CEP192: variants seen among roughly 807,000 people sequenced by gnomAD.
CEP192 encodes the protein centrosomal protein 192.
Under a neutral mutation model 271.8 loss-of-function variants are expected in CEP192, and 151 were observed. The observed-to-expected ratio is 0.56, with a 90% confidence interval of 0.49 to 0.64. CEP192 has a LOEUF of 0.64. Among genes scored for constraint, CEP192 ranks in the 30% least tolerant of loss-of-function variants. The pLI is 0.00. For synonymous variants in CEP192, 995 were observed against 1,076.5 expected (o/e 0.92, Z 1.48); for missense variants, 2,910 against 3,020.5 (o/e 0.96, Z 0.86).
intron 30 of CEP192, among the ~76,000 whole-genome samples, chr18:13,078,984 G>A (rs1443468697): frequency 6.6e-6 from 1 of 152,172 alleles, no homozygotes; most frequent in East Asian, 1.9e-4. Context: ...TATTATGGCT[G>A]CATAGTATTC....
chr18:13,059,274 G>A lies in CEP192; in HGVS notation c.4450G>A (p.Val1484Ile), dbSNP rs749362952. ...IVQAEALAST[V>I]TLTAIAESPV... Reference sequence around the variant, plus strand: ...ACAGGCAGAAGCTTTGGCCAGCACCGTCACTCTCACTGCCATTGCCGAGAG... The same window carrying A: ...ACAGGCAGAAGCTTTGGCCAGCACCATCACTCTCACTGCCATTGCCGAGAG... Residue 1484 changes from valine (V) to isoleucine (I), a missense_variant, in exon 21 of 45, where the codon GTC (valine) becomes ATC (isoleucine). Coordinates refer to ENST00000506447, the MANE Select transcript of CEP192 (RefSeq NM_032142.4). 54 of 1,614,020 alleles carry A rather than the reference G, an allele frequency of 3.3e-5. No homozygotes were observed. The South Asian group carries it at 5.5e-4, about 16-fold the overall frequency.
At position 12,999,389 on chromosome 18, in the gene CEP192, T is replaced by A. The variant is rs572021521; in HGVS notation, c.-4-32T>A. 192 of 1,416,938 alleles carry A rather than the reference T, an allele frequency of 1.4e-4. 2 individuals are homozygous for A. In the South Asian group the frequency reaches 2.6e-3, roughly 19 times the overall value. The allele number at this position is 1,416,938 out of a possible 1,614,324, so 87.8% of individuals were successfully genotyped here. A position where few individuals can be genotyped will look rare whatever the true frequency, so the allele number is the denominator to read the frequency against. ...CATTTAAAAACATTTTATAGTAATA[T>A]GTGACCTATAGAAATACTTTTGTTA... is the stretch of plus-strand genomic sequence containing the variant. On this transcript the variant is annotated intron_variant, in intron 1 of 44. Transcript: ENST00000506447.
chr18:13,008,013 A>C (rs78618052), intron 3 of CEP192, among the ~76,000 whole-genome samples: 127 of 152,360 alleles, frequency 8.3e-4, no homozygotes, highest in African/African-American at 3.0e-3. Flanking sequence ...AGAGGTAGAA[A>C]GAAAGATAAG....
chr18:13,095,528 G>T lies in CEP192; in HGVS notation c.6280G>T (p.Gly2094Cys). 2 of 1,611,230 alleles carry T rather than the reference G, an allele frequency of 1.2e-6. No individual in the cohort carries two copies. The highest frequency in any genetic ancestry group is 1.7e-6 in the Non-Finnish European group (2 of 1,179,006). ...TSDLGASGKHGGNVSLDVLPV... is the reference protein window; with the variant it reads ...TSDLGASGKHCGNVSLDVLPV... Reference sequence around the variant, plus strand: ...CGACTTGGGAGCTTCTGGGAAACATGGTGGCAACGTCTCTTTGGATGTTTT... The same window carrying T: ...CGACTTGGGAGCTTCTGGGAAACATTGTGGCAACGTCTCTTTGGATGTTTT... Residue 2094 changes from glycine to cysteine, a missense_variant, in exon 35 of 45, where the codon GGT becomes TGT. Transcript: ENST00000506447.
chr18:13,103,865 T>G (rs1197823402), intron 39 of CEP192: 1 of 505,902 alleles, frequency 2.0e-6, no homozygotes, highest in African/African-American at 1.9e-5. Context: ...AACTTTTTGT[T>G]TTTTTGTAGA....
chr18:13,075,706 A>G (rs547855638), intron 30 of CEP192, among the ~76,000 whole-genome samples: 1 of 152,314 alleles, frequency 6.6e-6, no homozygotes, highest in East Asian at 1.9e-4. Context: ...ACACAAACAG[A>G]CTAAGATGGT....
chr18:13,002,256 G>T (rs2033696030), intron 3 of CEP192, among the ~76,000 whole-genome samples: 1 of 151,440 alleles, frequency 6.6e-6, no homozygotes, highest in African/African-American at 2.4e-5. Flanking sequence ...CTAATATGAG[G>T]CTATAGAAAA....
At chr18:13,081,869 A>T (rs1274374889) in intron 30 of CEP192, among the ~76,000 whole-genome samples, 2 of 152,230 alleles carry the variant, frequency 1.3e-5, no homozygotes, top group African/African-American at 2.4e-5. Flanking sequence ...TTTACCCAGT[A>T]GTCATTCAGG....
chr18:13,028,197 C>G (rs2035412267), intron 9 of CEP192, among the ~76,000 whole-genome samples: 1 of 152,168 alleles, frequency 6.6e-6, no homozygotes, highest in Admixed American at 6.5e-5. Context: ...GTGTCTTTGT[C>G]TAAAATTTTC....
chr18:13,025,807 A>G (rs2035264520), intron 9 of CEP192, among the ~76,000 whole-genome samples: 1 of 152,220 alleles, frequency 6.6e-6, no homozygotes, highest in African/African-American at 2.4e-5. Context: ...GTCTGTATAT[A>G]GACACACACC....
chr18:13,039,472 G>A (rs986449799), intron 13 of CEP192, among the ~76,000 whole-genome samples: 1 of 144,976 alleles, frequency 6.9e-6, no homozygotes, highest in South Asian at 2.2e-4. Flanking sequence ...AAAAAAAAAA[G>A]TGATTTTTTT....
Position 13,030,461 on chromosome 18 carries a change from T to G in CEP192, c.1391-4T>G. 1 of 1,555,606 alleles carries G rather than the reference T, an allele frequency of 6.4e-7. No homozygotes were observed. Among genetic ancestry groups the G allele is most frequent in the Non-Finnish European group, 8.7e-7 (1 of 1,149,966 alleles). On this transcript the variant is annotated splice_region_variant and splice_polypyrimidine_tract_variant and intron_variant, in intron 10 of 44. Coordinates refer to ENST00000506447, the MANE Select transcript of CEP192 (RefSeq NM_032142.4). ...TTTGATATTTTGGGAATTTTATTTT[T>G]TAGAAACAGATCTCCCACAGAGTGT...
chr18:13,108,345 A>G (rs568378060), intron 40 of CEP192, among the ~76,000 whole-genome samples: 2 of 152,360 alleles, frequency 1.3e-5, no homozygotes, highest in African/African-American at 4.8e-5. Flanking sequence ...AGCAAAGGAA[A>G]CTATCAACAG....
At chr18:13,026,540 A>G (rs1384657451) in intron 9 of CEP192, among the ~76,000 whole-genome samples, 2 of 151,942 alleles carry the variant, frequency 1.3e-5, no homozygotes, top group Admixed American at 6.6e-5. Context: ...TATGTTATAC[A>G]TTTTGTAGTT....
intron 30 of CEP192, among the ~76,000 whole-genome samples, chr18:13,076,107 C>T (rs1387000213): frequency 6.6e-6 from 1 of 152,230 alleles, no homozygotes; most frequent in African/African-American, 2.4e-5. Flanking sequence ...AAGCCCAAGA[C>T]AGTTCCCACC....
Position 13,012,969 on chromosome 18 carries a change from A to C in CEP192, c.467-4A>C. On this transcript the variant is annotated splice_polypyrimidine_tract_variant and splice_region_variant and intron_variant, in intron 4 of 44. Transcript: ENST00000506447. The stretch of plus-strand genomic sequence containing the variant: ...TCTCAGTTTGTTTTTGTTTTCTTAC[A>C]CAGACTCACCTATTGATTTTCATTT... The C allele has an allele frequency of 6.7e-7, 1 of 1,501,216 alleles. No individual in the cohort carries two copies. The highest frequency in any genetic ancestry group is 9.1e-7 in the Non-Finnish European group (1 of 1,104,776). 93.0% of individuals were successfully genotyped at this position (1,501,216 alleles called of 1,614,324 possible). A position where few individuals can be genotyped will look rare whatever the true frequency, so the allele number is the denominator to read the frequency against.
chr18:13,102,656 C>T (rs1320181212), intron 38 of CEP192, among the ~76,000 whole-genome samples: 1 of 152,214 alleles, frequency 6.6e-6, no homozygotes, highest in Non-Finnish European at 1.5e-5. Flanking sequence ...TGGAGGACTT[C>T]TCCGTGCAGC....
Position 13,037,257 on chromosome 18 carries a change from G to A in CEP192, c.1555G>A (p.Ala519Thr). 1 of 1,329,902 alleles carries A rather than the reference G, an allele frequency of 7.5e-7. No individual in the cohort carries two copies. Among genetic ancestry groups the A allele is most frequent in the South Asian group, 1.3e-5 (1 of 78,390 alleles). The allele number at this position is 1,329,902 out of a possible 1,614,324, so 82.4% of individuals were successfully genotyped here. ...TTAAGCTGAAGCATTTGATTTGATT[G>A]CACAAGATGAAGAAGAATTTAATAA... ...RSGSEAFDLI[A>T]QDEEEFNKEH... is the part of the protein sequence containing the mutation. The change falls in exon 12 of 45, where the codon GCA becomes ACA. Residue 519 changes from alanine to threonine, a missense_variant. Ala to Thr is a moderately conservative substitution (Grantham distance 58). Coordinates refer to ENST00000506447, the MANE Select transcript of CEP192 (RefSeq NM_032142.4).
rs372815118 is a variant in CEP192 at position 13,117,220 on chromosome 18, G to C, written c.7417-365G>C. 2.8e-4 allele frequency among the ~76,000 whole-genome samples: 43 copies of C among 152,242 alleles called. No homozygotes were observed. The East Asian group carries it at 7.0e-3, about 25-fold the overall frequency. On this transcript the variant is annotated intron_variant, in intron 43 of 44. Coordinates refer to ENST00000506447, the MANE Select transcript of CEP192 (RefSeq NM_032142.4). ...AGCCAGGGTGACAGAGCAAGACCCT[G>C]CCCCCATCCGCCCAGAAATTCCTTA...
Sources: allele counts gnomAD v4.1 joint callset (sites outside exome capture counted in the v4.1 genomes callset), GRCh38; gene constraint gnomAD v4.1.1; transcripts MANE v1.5; gene names NCBI Gene and HGNC (gene_info 2026-07-23, HGNC 2026-07-21).